TFEC: variants seen among roughly 807,000 people sequenced by gnomAD.
The protein encoded by TFEC is class E basic helix-loop-helix protein 34.
Under a neutral mutation model 41.6 loss-of-function variants are expected in TFEC, and 31 were observed. That is an observed-to-expected ratio of 0.74 (90% CI 0.56 to 1.01). The LOEUF (loss-of-function observed/expected upper bound fraction) is 1.01. Among genes scored for constraint, TFEC ranks in the 50% least tolerant of loss-of-function variants. The pLI is 0.00. For synonymous variants in TFEC, 143 were observed against 140.6 expected, an observed-to-expected ratio of 1.02 and a Z score of -0.12; for missense variants, 402 against 404.1, an observed-to-expected ratio of 0.99 and a Z score of 0.04.
intron 1 of TFEC, among the ~76,000 whole-genome samples, chr7:116,139,852 G>A (rs1044995673): frequency 3.9e-5 from 6 of 152,150 alleles, no homozygotes; most frequent in African/African-American, 1.2e-4. Context: ...ATGAGCATAG[G>A]ATAAACAGAA....
At chr7:116,136,330 A>G (rs1025917520) in intron 1 of TFEC, among the ~76,000 whole-genome samples, 5 of 152,048 alleles carry the variant, frequency 3.3e-5, no homozygotes, top group African/African-American at 9.6e-5. Context: ...AAGTTACATA[A>G]AACTCAAATA....
chr7:115,997,083 G>A (rs776506329), intron 1 of TFEC, among the ~76,000 whole-genome samples: 5 of 152,192 alleles, frequency 3.3e-5, no homozygotes, highest in Non-Finnish European at 5.9e-5. Context: ...GCCCTTGAGA[G>A]AAACATAAAC....
chr7:116,144,170 T>C (rs1305778497), intron 1 of TFEC, among the ~76,000 whole-genome samples: 5 of 151,352 alleles, frequency 3.3e-5, no homozygotes, highest in African/African-American at 1.2e-4. Flanking sequence ...TGAGCCAAAA[T>C]TGTGCCACTG....
At chr7:116,053,485 AAAGTC>A (rs1796361394) in intron 3 of TFEC, among the ~76,000 whole-genome samples, 1 of 152,222 alleles carries the variant, frequency 6.6e-6, no homozygotes, top group Admixed American at 6.5e-5. Context: ...GTCTTTTCCA[AAAGTC>A]ATGTTGAAAC....
intron 2 of TFEC, among the ~76,000 whole-genome samples, chr7:115,979,042 C>A (rs1053471365): frequency 6.6e-6 from 1 of 152,148 alleles, no homozygotes; most frequent in South Asian, 2.1e-4. Flanking sequence ...AACATCTCCA[C>A]GTGATGATCT....
At chr7:116,110,370 T>C (rs1325815590) in intron 3 of TFEC, among the ~76,000 whole-genome samples, 4 of 152,144 alleles carry the variant, frequency 2.6e-5, no homozygotes, top group Admixed American at 6.6e-5. Flanking sequence ...AATGAGATGA[T>C]ATAAAACTTC....
intron 3 of TFEC, among the ~76,000 whole-genome samples, chr7:116,037,302 T>C (rs541503177): frequency 2.0e-4 from 30 of 152,152 alleles, no homozygotes; most frequent in African/African-American, 7.2e-4. Context: ...ACTTCTAATC[T>C]GTTAAATCTG....
intron 3 of TFEC, among the ~76,000 whole-genome samples, chr7:115,973,926 T>C (rs1793249446): frequency 1.3e-5 from 2 of 151,954 alleles, no homozygotes; most frequent in African/African-American, 4.8e-5. Context: ...ATTAGATATA[T>C]AGTTAGATGC....
At chr7:116,150,260 G>A (rs1231286871) in intron 1 of TFEC, among the ~76,000 whole-genome samples, 3 of 152,068 alleles carry the variant, frequency 2.0e-5, no homozygotes, top group African/African-American at 7.2e-5. Context: ...CCTTACTTCT[G>A]TTTAAGCTCC....
intron 3 of TFEC, among the ~76,000 whole-genome samples, chr7:116,104,359 T>A (rs1216928558): frequency 1.3e-5 from 2 of 152,148 alleles, no homozygotes; most frequent in African/African-American, 4.8e-5. Flanking sequence ...CTCAGGTGTA[T>A]AATATATGTT....
rs1793053798 is a variant in TFEC at position 115,969,874 on chromosome 7, G to A, written c.267+4296C>T. On this transcript the variant is annotated intron_variant, in intron 3 of 7. Coordinates refer to ENST00000265440, the MANE Select transcript of TFEC (RefSeq NM_012252.4). Reference sequence around the variant, plus strand: ...AGATTACAAAAACATATTGATAGATGTGAGTATGGGAGTAAGAGAGAGAAA... The same window carrying A: ...AGATTACAAAAACATATTGATAGATATGAGTATGGGAGTAAGAGAGAGAAA... 2.0e-5 allele frequency among the ~76,000 whole-genome samples: 3 copies of A among 151,974 alleles called. No individual in the cohort carries two copies. In the South Asian group the frequency reaches 6.2e-4, roughly 31 times the overall value.
intron 1 of TFEC, among the ~76,000 whole-genome samples, chr7:116,003,002 T>C (rs1232603667): frequency 1.3e-5 from 2 of 152,148 alleles, no homozygotes; most frequent in East Asian, 3.9e-4. Flanking sequence ...AAGACAAAGA[T>C]AGGAGCAAGA....
chr7:115,961,198 G>GTTTTC (rs1306929389), intron 3 of TFEC, among the ~76,000 whole-genome samples: 5 of 151,630 alleles, frequency 3.3e-5, no homozygotes, highest in African/African-American at 1.2e-4. Context: ...AGTGAATACA[G>GTTTTC]TTTTCTCAAG....
At chr7:116,063,513 G>A (rs1057109292) in intron 3 of TFEC, among the ~76,000 whole-genome samples, 2 of 152,094 alleles carry the variant, frequency 1.3e-5, no homozygotes, top group African/African-American at 2.4e-5. Flanking sequence ...CAGCTACTCC[G>A]GAGGCTGAGG....
chr7:116,058,692 G>T lies in TFEC; in HGVS notation c.198+52016C>A, dbSNP rs115318738. On this transcript the variant is annotated intron_variant, in intron 3 of 8. Transcript: ENST00000484212. ...AAAGGATTCATATCATGCAAAATACGTTCTCTCCATAGCATAATTAAATTT... is the reference window on the plus strand; with the variant it reads ...AAAGGATTCATATCATGCAAAATACTTTCTCTCCATAGCATAATTAAATTT... Among the ~76,000 whole-genome samples, 263 of 151,804 alleles carry T rather than the reference G, an allele frequency of 1.7e-3. 1 individual carries two copies. Among genetic ancestry groups the T allele is most frequent in the African/African-American group, 6.0e-3 (251 of 41,512 alleles).
At chr7:115,945,609 C>T (rs1562877996) in intron 6 of TFEC, among the ~76,000 whole-genome samples, 1 of 151,766 alleles carries the variant, frequency 6.6e-6, no homozygotes, top group Non-Finnish European at 1.5e-5. Context: ...CACGTATAGA[C>T]ATATTCAACA....
At chr7:115,961,932 TAC>T (rs1275293649) in intron 3 of TFEC, among the ~76,000 whole-genome samples, 1 of 151,444 alleles carries the variant, frequency 6.6e-6, no homozygotes, top group African/African-American at 2.4e-5. Flanking sequence ...ATTCTACACT[TAC>T]ACACACACAT....
At chr7:115,988,514 A>C (rs2130701422) in intron 1 of TFEC, among the ~76,000 whole-genome samples, 1 of 152,240 alleles carries the variant, frequency 6.6e-6, no homozygotes, top group Middle Eastern at 3.4e-3. Context: ...AAACTACAGA[A>C]CTGAAAAGCA....
chr7:116,074,138 A>C (rs868174749), intron 3 of TFEC, among the ~76,000 whole-genome samples: 22 of 151,400 alleles, frequency 1.5e-4, no homozygotes, highest in Middle Eastern at 3.5e-3. Context: ...ATATATGCTT[A>C]TATATATTTA....
Sources: allele counts gnomAD v4.1 joint callset (sites outside exome capture counted in the v4.1 genomes callset), GRCh38; gene constraint gnomAD v4.1.1; transcripts MANE v1.5; gene names NCBI Gene and HGNC (gene_info 2026-07-23, HGNC 2026-07-21).